The following PEAK1 variants were observed in gnomAD, a reference collection of about 807,000 sequenced individuals.
The protein encoded by PEAK1 is inactive tyrosine-protein kinase PEAK1.
Under a neutral mutation model 124.7 loss-of-function variants are expected in PEAK1, and 54 were observed. That is an observed-to-expected ratio of 0.43 (90% CI 0.35 to 0.54). PEAK1 has a LOEUF of 0.54. Ranked by LOEUF, PEAK1 falls within the 20% of genes least tolerant of loss-of-function variation. The pLI is 0.01. For synonymous variants in PEAK1, 719 were observed against 760.0 expected (o/e 0.95, Z 0.89); for missense variants, 2,046 against 2,134.5 (o/e 0.96, Z 0.82).
intron 8 of PEAK1, among the ~76,000 whole-genome samples, chr15:77,149,775 T>C (rs1334282750): frequency 6.6e-6 from 1 of 151,690 alleles, no homozygotes; most frequent in Non-Finnish European, 1.5e-5. Flanking sequence ...TTTAAGACAG[T>C]GTCTCCCTTT....
intron 8 of PEAK1, among the ~76,000 whole-genome samples, chr15:77,140,671 T>C (rs2053705931): frequency 5.3e-5 from 8 of 152,010 alleles, no homozygotes; most frequent in Admixed American, 5.2e-4. Flanking sequence ...AAATTTCTCC[T>C]GTAATATCAG....
At chr15:77,387,859 T>A (rs1300884316) in intron 1 of PEAK1, among the ~76,000 whole-genome samples, 1 of 152,162 alleles carries the variant, frequency 6.6e-6, no homozygotes, top group Admixed American at 6.5e-5. Flanking sequence ...AAGCACTCAA[T>A]GAATAAAAAG....
chr15:77,305,220 T>C (rs935192792), intron 2 of PEAK1, among the ~76,000 whole-genome samples: 1 of 9,778 alleles, frequency 1.0e-4, no homozygotes, highest in Non-Finnish European at 2.0e-4. Flanking sequence ...GGAGGGAGGG[T>C]GGGTGGGAGG....
At chr15:77,255,536 C>A (rs925686466) in intron 5 of PEAK1, 45 of 215,648 alleles carry the variant, frequency 2.1e-4, no homozygotes, top group African/African-American at 1.0e-3. Flanking sequence ...CCAAAATATG[C>A]GGCCATATGC....
At chr15:77,321,987 G>A (rs373298374) in intron 2 of PEAK1, among the ~76,000 whole-genome samples, 9 of 152,098 alleles carry the variant, frequency 5.9e-5, no homozygotes, top group Non-Finnish European at 1.3e-4. Flanking sequence ...ACTCAAAACC[G>A]CTCGACTACA....
intron 1 of PEAK1, among the ~76,000 whole-genome samples, chr15:77,385,631 GGGTGCCAA>G (rs1436936315): frequency 7.9e-5 from 12 of 152,182 alleles, no homozygotes; most frequent in Admixed American, 7.9e-4. Flanking sequence ...TCTGGGGACT[GGGTGCCAA>G]GGCTGCCTCA....
chr15:77,294,361 T>C (rs2063377045), intron 2 of PEAK1, among the ~76,000 whole-genome samples: 1 of 152,194 alleles, frequency 6.6e-6, no homozygotes, highest in East Asian at 1.9e-4. Context: ...ATAAGTACTA[T>C]GCAAATAAAG....
chr15:77,407,914 C>T (rs201542760), intron 1 of PEAK1, among the ~76,000 whole-genome samples: 5 of 128,084 alleles, frequency 3.9e-5, no homozygotes, highest in Non-Finnish European at 7.2e-5. Flanking sequence ...CATATATATA[C>T]ACATATATAC....
At chr15:77,394,328 C>T (rs190647382) in intron 1 of PEAK1, among the ~76,000 whole-genome samples, 62 of 152,328 alleles carry the variant, frequency 4.1e-4, no homozygotes, top group African/African-American at 1.0e-3. Context: ...GAGTGAGAGC[C>T]GGTGCCATGC....
At chr15:77,381,427 T>TAA in intron 1 of PEAK1, 1 of 926,542 alleles carries the variant, frequency 1.1e-6, no homozygotes, top group Non-Finnish European at 1.3e-6. Context: ...CCCTGTCTCT[T>TAA]AAAAAAAATA....
At chr15:77,402,992 G>T in intron 1 of PEAK1, 1 of 985,356 alleles carries the variant, frequency 1.0e-6, no homozygotes, top group Non-Finnish European at 1.2e-6. Flanking sequence ...ATTTGCTCTT[G>T]CATTATGATT....
At chr15:77,236,415 C>T (rs984318537) in intron 6 of PEAK1, among the ~76,000 whole-genome samples, 1 of 152,196 alleles carries the variant, frequency 6.6e-6, no homozygotes, top group Non-Finnish European at 1.5e-5. Context: ...CTATCGTTTC[C>T]GACTTGCATG....
intron 1 of PEAK1, among the ~76,000 whole-genome samples, chr15:77,370,199 T>C (rs999629136): frequency 2.0e-5 from 3 of 152,210 alleles, no homozygotes; most frequent in Non-Finnish European, 4.4e-5. Context: ...CTATGTGGTT[T>C]CTCTCCTATG....
chr15:77,308,910 A>G (rs2064262974), intron 2 of PEAK1, among the ~76,000 whole-genome samples: 1 of 152,102 alleles, frequency 6.6e-6, no homozygotes, highest in Non-Finnish European at 1.5e-5. Context: ...ATCATGAAAA[A>G]GTTACTGTAT....
intron 1 of PEAK1, among the ~76,000 whole-genome samples, chr15:77,385,061 A>G (rs1178870142): frequency 2.0e-5 from 3 of 152,194 alleles, no homozygotes; most frequent in African/African-American, 7.2e-5. Flanking sequence ...GAACCCATGT[A>G]TAAGATACTT....
intron 2 of PEAK1, among the ~76,000 whole-genome samples, chr15:77,303,987 T>C (rs2063928642): frequency 1.3e-5 from 2 of 152,218 alleles, no homozygotes; most frequent in Non-Finnish European, 2.9e-5. Flanking sequence ...TTGTTAAAAA[T>C]CAGTTGACTA....
At chr15:77,101,095 C>G (rs1176687476) in exon 7 of PEAK1, 1 of 152,454 alleles carries the variant, frequency 6.6e-6, no homozygotes, top group Non-Finnish European at 1.5e-5. Context: ...TCACCCCCCA[C>G]TTCCCATCGC....
At chr15:77,247,487 T>TTC (rs1555455325) in intron 6 of PEAK1, among the ~76,000 whole-genome samples, 7 of 77,012 alleles carry the variant, frequency 9.1e-5, no homozygotes, top group East Asian at 3.5e-4. Context: ...TTTCTTTTCT[T>TTC]TTTTTTTTTT....
At chr15:77,317,443 C>T (rs1394538078) in intron 2 of PEAK1, among the ~76,000 whole-genome samples, 2 of 152,110 alleles carry the variant, frequency 1.3e-5, no homozygotes, top group Admixed American at 6.6e-5. Context: ...TTAATTTGTA[C>T]CTTGCACATT....
Sources: allele counts gnomAD v4.1 joint callset (sites outside exome capture counted in the v4.1 genomes callset), GRCh38; gene constraint gnomAD v4.1.1; transcripts MANE v1.5; gene names NCBI Gene and HGNC (gene_info 2026-07-23, HGNC 2026-07-21).